Variants in DOK4 observed in about 807,000 individuals in gnomAD.
The protein encoded by DOK4 is docking protein 4, also known as downstream of tyrosine kinase 4.
In DOK4, 26 loss-of-function variants were observed where a neutral mutation model predicts 40.1. The observed-to-expected ratio is 0.65, with a 90% CI of 0.48 to 0.90. The LOEUF (loss-of-function observed/expected upper bound fraction) is 0.90, where lower values mean the gene tolerates loss of function less well. Ranked by LOEUF, DOK4 falls within the 40% of genes least tolerant of loss-of-function variation. The pLI is 0.00. For synonymous variants in DOK4, 179 were observed against 177.0 expected (o/e 1.01, Z -0.09); for missense variants, 392 against 437.2 (o/e 0.90, Z 0.92).
chr16:57,474,876 G>T, exon 6 of DOK4: 1 of 1,614,190 alleles, frequency 6.2e-7, no homozygotes, highest in Non-Finnish European at 8.5e-7. Context: ...GCTTCACACG[G>T]GGGTTGTGGA....
chr16:57,479,342 G>A lies in DOK4; in HGVS notation c.66+100C>T. The A allele has an allele frequency of 4.5e-6, 6 of 1,337,570 alleles. No homozygotes were observed. The South Asian group carries it at 6.3e-5, about 14-fold the overall frequency. The allele number at this position is 1,337,570 out of a possible 1,614,324, so 82.9% of individuals were successfully genotyped here. A position where few individuals can be genotyped will look rare whatever the true frequency, so the allele number is the denominator to read the frequency against. On this transcript the variant is annotated intron_variant, in intron 2 of 8. Transcript: ENST00000340099. The surrounding 1 kb of genome is among the most constrained non-coding windows in gnomAD (Gnocchi z 5.8). ...AGATGCACGATGCCCGGCAGCCGGAGGGCAGCCGCGTGCCCCACGCGCCAT... is the reference window on the plus strand; with the variant it reads ...AGATGCACGATGCCCGGCAGCCGGAAGGCAGCCGCGTGCCCCACGCGCCAT...
At position 57,475,090 on chromosome 16, in the gene DOK4, C is replaced by A; in HGVS notation, c.409+10G>T. On this transcript the variant is annotated intron_variant, in intron 5 of 8. Transcript: ENST00000340099. ...CCCTCCCCACCCCCAGGGCCAGGGCCCGGCCTCACCTGTCTGTTCACACTG... is the reference window on the plus strand; with the variant it reads ...CCCTCCCCACCCCCAGGGCCAGGGCACGGCCTCACCTGTCTGTTCACACTG... The A allele has an allele frequency of 6.2e-7, 1 of 1,612,652 alleles. No individual in the cohort carries two copies. The highest frequency in any genetic ancestry group is 2.2e-5 in the East Asian group (1 of 44,824).
chr16:57,473,656 G>A lies in DOK4; in HGVS notation c.819C>T (p.His273=), dbSNP rs371450270. The stretch of plus-strand genomic sequence containing the variant: ...CGGCGATGTTCTGGGAACCAGTGAT[G>A]TGGTGCCAGTAGGCACTGCGCGGCA... Residue 273 remains histidine (H), a synonymous_variant, in exon 8 of 9, where the codon CAC becomes CAT. Transcript: ENST00000340099. 77 of 1,614,130 alleles carry A rather than the reference G, an allele frequency of 4.8e-5. 1 individual carries two copies. Among genetic ancestry groups the A allele is most frequent in the Non-Finnish European group, 6.1e-5 (72 of 1,180,034 alleles).
At chr16:57,475,660 A>ATCTC (rs745508207) in intron 3 of DOK4, 40 bp from the exon 4 acceptor site, 5,466 of 473,382 alleles carry the variant, frequency 0.012, 35 homozygotes, top group Admixed American at 0.043. Context: ...AGGCCAGTGC[A>ATCTC]TCTCTCTCTC....
At chr16:57,473,171 G>T in exon 9 of DOK4, 1 of 655,338 alleles carries the variant, frequency 1.5e-6, no homozygotes, top group Non-Finnish European at 2.6e-6. Flanking sequence ...ATAGTCCCAC[G>T]GTAGCTCCAA....
chr16:57,474,114 C>A, intron 6 of DOK4, 75 bp from the exon 7 acceptor site: 1 of 1,588,270 alleles, frequency 6.3e-7, no homozygotes, highest in East Asian at 2.2e-5. Context: ...GGCTCTCTTG[C>A]AACTGCAAGT....
chr16:57,474,146 G>A lies in DOK4; in HGVS notation c.600-107C>T, dbSNP rs1329487067. On this transcript the variant is annotated intron_variant, in intron 6 of 8. Transcript: ENST00000340099. ...AAGTTGTGGTTGCATTCCAGGCCGG[G>A]AGGACAGGTAGGGCTGTGGTCTGGG... 4 of 1,504,690 alleles carry A rather than the reference G, an allele frequency of 2.7e-6. No homozygotes were observed. In the African/African-American group the frequency reaches 5.5e-5, roughly 21 times the overall value. The allele number at this position is 1,504,690 out of a possible 1,614,324, so 93.2% of individuals were successfully genotyped here. A position where few individuals can be genotyped will look rare whatever the true frequency, so the allele number is the denominator to read the frequency against.
chr16:57,473,075 G>C, exon 9 of DOK4: 1 of 357,444 alleles, frequency 2.8e-6, no homozygotes, highest in Middle Eastern at 7.7e-4. Context: ...TGTGTGTATT[G>C]GTGGGGAAGG....
chr16:57,483,494 G>A (rs1410209314), intron 1 of DOK4, among the ~76,000 whole-genome samples: 1 of 152,176 alleles, frequency 6.6e-6, no homozygotes. Flanking sequence ...AGCTGGGCAT[G>A]TGGCACGTGC....
intron 1 of DOK4, among the ~76,000 whole-genome samples, chr16:57,484,515 A>G (rs2031494654): frequency 6.6e-6 from 1 of 152,184 alleles, no homozygotes; most frequent in Admixed American, 6.5e-5. Flanking sequence ...ATCTAGGCAG[A>G]CAGGGACGGC....
exon 7 of DOK4, chr16:57,473,962 G>A (rs2031017422): frequency 6.2e-7 from 1 of 1,613,986 alleles, no homozygotes; most frequent in Admixed American, 1.7e-5. Flanking sequence ...GGCCAGGGTG[G>A]CACTGTGGAC....
At chr16:57,476,116 C>T (rs769845446) in intron 2 of DOK4, 159 bp from the exon 3 acceptor site, 4 of 621,634 alleles carry the variant, frequency 6.4e-6, no homozygotes, top group African/African-American at 1.8e-5. Flanking sequence ...CCAGCAGTGT[C>T]ACCTCCCTGG....
intron 1 of DOK4, chr16:57,480,363 G>C (rs1482098692): frequency 2.0e-5 from 3 of 152,296 alleles, no homozygotes; most frequent in African/African-American, 7.2e-5. Flanking sequence ...CCCAGGCCCT[G>C]CAACTCTTCC....
chr16:57,480,933 G>T (rs552262919), intron 1 of DOK4, among the ~76,000 whole-genome samples: 39 of 150,394 alleles, frequency 2.6e-4, no homozygotes, highest in Non-Finnish European at 5.0e-4. Context: ...ACCAGTCTGT[G>T]GGGGGAACAT....
intron 1 of DOK4, among the ~76,000 whole-genome samples, chr16:57,482,159 C>T (rs890039871): frequency 2.7e-4 from 41 of 151,448 alleles, no homozygotes; most frequent in Non-Finnish European, 3.8e-4. Flanking sequence ...CCACTGCGCC[C>T]GGCCTTCTTT....
chr16:57,473,448 T>C, exon 9 of DOK4: 1 of 1,614,208 alleles, frequency 6.2e-7, no homozygotes, highest in Non-Finnish European at 8.5e-7. Context: ...ATGAATCTGT[T>C]GAGGAGGTCT....
At chr16:57,473,138 T>C in exon 9 of DOK4, 1 of 561,856 alleles carries the variant, frequency 1.8e-6, no homozygotes, top group South Asian at 2.4e-5. Context: ...ATAAGCCATA[T>C]ATATTAAAAT....
chr16:57,479,487 G>A lies in DOK4; in HGVS notation c.21C>T (p.Asp7=). 1.2e-6 allele frequency: 2 copies of A among 1,613,814 alleles called. No homozygotes were observed. The highest frequency in any genetic ancestry group is 1.7e-6 in the Non-Finnish European group (2 of 1,179,956). ...TCTTCACGTAGCCTTGCTTGACGAT[G>A]TCACTGAAATTGGTCGCCATGGTTT... The change falls in exon 2 of 9, where the codon GAC becomes GAT. Residue 7 remains aspartate, a synonymous_variant. Transcript: ENST00000340099. This position sits in a 1 kb window ranked among gnomAD's most constrained non-coding sequence, Gnocchi z 5.8.
rs1237055537 is a variant in DOK4 at position 57,479,544 on chromosome 16, A to T, written c.-37T>A. On this transcript the variant is annotated 5_prime_UTR_variant, in exon 2 of 9. Coordinates refer to ENST00000340099, the Ensembl canonical transcript of DOK4. This position sits in a 1 kb window ranked among gnomAD's most constrained non-coding sequence, Gnocchi z 5.8. ...CTTTTAGGGGCGCGGGGCCTGGCAG[A>T]GGCGAGGGGAAGGATGCCCAGGTGC... The T allele has an allele frequency of 6.2e-7, 1 of 1,610,702 alleles. No individual in the cohort carries two copies. Among genetic ancestry groups the T allele is most frequent in the Admixed American group, 1.7e-5 (1 of 60,000 alleles).
Sources: allele counts gnomAD v4.1 joint callset (sites outside exome capture counted in the v4.1 genomes callset), GRCh38; gene constraint gnomAD v4.1.1; non-coding constraint Gnocchi (gnomAD v3.1); transcripts MANE v1.5; gene names NCBI Gene and HGNC (gene_info 2026-07-23, HGNC 2026-07-21).